The following PPP1R12A variants were observed in gnomAD, a reference collection of about 807,000 sequenced individuals.
PPP1R12A encodes the protein myosin binding subunit.
PPP1R12A carries 19 observed loss-of-function variants against 139.6 expected under a neutral mutation model. The ratio of observed to expected loss-of-function variants is 0.14; its 90% CI spans 0.09 to 0.20. The LOEUF is 0.20. Ranked by LOEUF, PPP1R12A falls within the 10% of genes least tolerant of loss-of-function variation. The probability of loss-of-function intolerance (pLI) is 1.00; values close to 1 mark genes in which losing one functional copy is unlikely to be tolerated. For synonymous variants in PPP1R12A, 427 were observed against 420.6 expected, an observed-to-expected ratio of 1.02 and a Z score of -0.19; for missense variants, 925 against 1,211.5, an observed-to-expected ratio of 0.76 and a Z score of 3.51.
chr12:79,920,333 AT>A (rs1223246314), intron 1 of PPP1R12A, among the ~76,000 whole-genome samples: 1 of 152,164 alleles, frequency 6.6e-6, no homozygotes, highest in Non-Finnish European at 1.5e-5. Flanking sequence ...TACTATACAC[AT>A]TTCTGTGTGG....
chr12:79,923,029 C>T (rs917724905), intron 1 of PPP1R12A, among the ~76,000 whole-genome samples: 2 of 152,148 alleles, frequency 1.3e-5, no homozygotes, highest in African/African-American at 2.4e-5. Flanking sequence ...AATCCTAGCA[C>T]TTTGGGAGCC....
intron 19 of PPP1R12A, among the ~76,000 whole-genome samples, chr12:79,791,031 C>T (rs1356212730): frequency 6.6e-6 from 1 of 152,100 alleles, no homozygotes; most frequent in Non-Finnish European, 1.5e-5. Flanking sequence ...ATTTCCTCTG[C>T]AAAACCAATT....
chr12:79,909,788 TTTGTTG>T lies in PPP1R12A; in HGVS notation c.237+24901_237+24906del, dbSNP rs143557263. The stretch of plus-strand genomic sequence containing the variant: ...CAGCCTCTGCTTAATGTCATATTGC[TTTGTTG>T]TTGTTGTTGTTGTTGTTGTTGACGA... On this transcript the variant is annotated intron_variant, in intron 1 of 24. Coordinates refer to ENST00000450142, the MANE Select transcript of PPP1R12A (RefSeq NM_002480.3). Among the ~76,000 whole-genome samples the T allele has an allele frequency of 5.3e-3, 798 of 151,572 alleles. 5 individuals carry two copies. Among genetic ancestry groups the T allele is most frequent in the African/African-American group, 0.018 (752 of 41,310 alleles).
At chr12:79,822,348 A>T (rs1436620723) in intron 5 of PPP1R12A, among the ~76,000 whole-genome samples, 158 bp from the exon 6 acceptor site, 1 of 152,192 alleles carries the variant, frequency 6.6e-6, no homozygotes, top group African/African-American at 2.4e-5. Context: ...CTCTAAGGCA[A>T]TGTATGTGAA....
At position 79,934,774 on chromosome 12, in the gene PPP1R12A, G is replaced by A. The variant is rs1246233669; in HGVS notation, c.158C>T (p.Thr53Met). The change falls in exon 1 of 25, where the codon ACG (threonine) becomes ATG (methionine). Residue 53 changes from threonine (T) to methionine (M), a missense_variant. Thr to Met is a moderately conservative substitution (Grantham distance 81). This residue lies in a region of PPP1R12A where 199 missense variants were observed against 352.4 expected (regional missense o/e 0.56). Coordinates refer to ENST00000450142, the MANE Select transcript of PPP1R12A (RefSeq NM_002480.3). ...VFLAACSSGDTDEVLKLLHRG... is the reference protein window; with the variant it reads ...VFLAACSSGDMDEVLKLLHRG... Reference sequence around the variant, plus strand: ...GTGCAGCAGCTTGAGGACCTCGTCCGTGTCGCCGCTGGAGCAAGCAGCCAG... The same window carrying A: ...GTGCAGCAGCTTGAGGACCTCGTCCATGTCGCCGCTGGAGCAAGCAGCCAG... 1.3e-6 allele frequency: 2 copies of A among 1,554,520 alleles called. No individual in the cohort carries two copies. Among genetic ancestry groups the A allele is most frequent in the Non-Finnish European group, 1.7e-6 (2 of 1,148,812 alleles).
At position 79,837,214 on chromosome 12, in the gene PPP1R12A, A is replaced by G. The variant is rs373415321; in HGVS notation, c.488-4723T>C. ...ATAATAAAACTAAATTGGGTATAAC[A>G]AAGTGATTAGACTAACATCTGTCAC... is the stretch of plus-strand genomic sequence containing the variant. On this transcript the variant is annotated intron_variant, in intron 3 of 24. Coordinates refer to ENST00000450142, the MANE Select transcript of PPP1R12A (RefSeq NM_002480.3). 4.6e-5 allele frequency among the ~76,000 whole-genome samples: 7 copies of G among 152,310 alleles called. No homozygotes were observed. The East Asian group carries it at 9.6e-4, about 21-fold the overall frequency.
intron 2 of PPP1R12A, among the ~76,000 whole-genome samples, chr12:79,856,582 T>G (rs1316246139): frequency 1.3e-5 from 2 of 152,212 alleles, no homozygotes; most frequent in East Asian, 1.9e-4. Context: ...TCGAACTGTC[T>G]TTAGAGTGAA....
intron 1 of PPP1R12A, among the ~76,000 whole-genome samples, chr12:79,914,999 G>T (rs966914370): frequency 6.6e-6 from 1 of 151,968 alleles, no homozygotes; most frequent in Non-Finnish European, 1.5e-5. Flanking sequence ...TATTTAGGCC[G>T]GTTCCAATGG....
chr12:79,830,601 CCT>C (rs1042895125), intron 4 of PPP1R12A, among the ~76,000 whole-genome samples: 44 of 152,208 alleles, frequency 2.9e-4, no homozygotes, highest in Admixed American at 2.2e-3. Flanking sequence ...TTTCCTACAC[CCT>C]GTCAACAGGA....
At chr12:79,858,239 A>G (rs1404320996) in intron 2 of PPP1R12A, among the ~76,000 whole-genome samples, 2 of 152,210 alleles carry the variant, frequency 1.3e-5, no homozygotes, top group Non-Finnish European at 2.9e-5. Flanking sequence ...AGTTTGCCCT[A>G]AAACCAAGAG....
In PPP1R12A at chr12:79,778,609, A is replaced by ATT. The variant is rs1169553232; in HGVS notation, c.2956-11_2956-10dup. The ATT allele has an allele frequency of 6.6e-7, 1 of 1,509,358 alleles. No individual in the cohort carries two copies. Among genetic ancestry groups the ATT allele is most frequent in the Admixed American group, 2.0e-5 (1 of 49,168 alleles). 93.5% of individuals were successfully genotyped at this position (1,509,358 alleles called of 1,614,324 possible). ...TCTAGAGCTCTTCGTTCCTAGATCG[A>ATT]TTTAAGGTACCAATGTTAGTTATAT... On this transcript the variant is annotated splice_polypyrimidine_tract_variant and intron_variant, in intron 23 of 24. Coordinates refer to ENST00000450142, the MANE Select transcript of PPP1R12A (RefSeq NM_002480.3).
chr12:79,866,283 A>T (rs1396192920), intron 2 of PPP1R12A, among the ~76,000 whole-genome samples: 1 of 152,222 alleles, frequency 6.6e-6, no homozygotes, highest in Non-Finnish European at 1.5e-5. Context: ...GAAAACTGAA[A>T]CTAGACCACT....
At chr12:79,807,473 G>A in intron 11 of PPP1R12A, 143 bp from the exon 12 acceptor site, 1 of 551,832 alleles carries the variant, frequency 1.8e-6, no homozygotes, top group East Asian at 3.2e-5. Flanking sequence ...AGAAGATAAA[G>A]TAATTTCAGT....
intron 22 of PPP1R12A, chr12:79,782,650 GA>G (rs1315219226): frequency 1.5e-5 from 6 of 412,566 alleles, no homozygotes; most frequent in Non-Finnish European, 4.8e-6. Context: ...GAAAAAAAAA[GA>G]AAAAAACAGT....
At chr12:79,819,463 T>C (rs1406058547) in intron 8 of PPP1R12A, 2 of 152,208 alleles carry the variant, frequency 1.3e-5, no homozygotes, top group African/African-American at 4.8e-5. Flanking sequence ...TTGAAAGAGA[T>C]GCCTGGACTT....
At chr12:79,909,108 A>G (rs1886352803) in intron 1 of PPP1R12A, among the ~76,000 whole-genome samples, 1 of 152,164 alleles carries the variant, frequency 6.6e-6, no homozygotes, top group South Asian at 2.1e-4. Flanking sequence ...TTGTGAGAAC[A>G]CTGTTCAGTC....
chr12:79,935,159 C>A, upstream of PPP1R12A: 1 of 1,342,442 alleles, frequency 7.4e-7, no homozygotes, highest in South Asian at 1.9e-5. Flanking sequence ...CCGCCCCCAG[C>A]ACGGCCACCC....
chr12:79,855,924 A>G (rs888081350), intron 2 of PPP1R12A, among the ~76,000 whole-genome samples: 1 of 150,294 alleles, frequency 6.7e-6, no homozygotes, highest in African/African-American at 2.4e-5. Context: ...TAGAACAGTA[A>G]AAAAAAAAAC....
chr12:79,935,261 C>T (rs1888581800), upstream of PPP1R12A: 19 of 1,115,748 alleles, frequency 1.7e-5, no homozygotes, highest in South Asian at 3.5e-5. Flanking sequence ...CTGTGCCCGC[C>T]CCAGGAAGAG....
Sources: gnomAD v4.1 joint callset for allele counts (sites outside exome capture counted in the v4.1 genomes callset) on GRCh38, gnomAD v4.1.1 for gene constraint, gnomAD v4.1.1 regional missense constraint, MANE v1.5 for transcripts, NCBI Gene and HGNC (gene_info 2026-07-23, HGNC 2026-07-21) for gene names.